The following FARP1 variants were observed in gnomAD, a reference collection of about 807,000 sequenced individuals.
FARP1 encodes FERM, ARHGEF and pleckstrin domain-containing protein 1.
In FARP1, 52 loss-of-function variants were observed where a neutral mutation model predicts 128.8. The observed-to-expected ratio is 0.40, with a 90% CI of 0.32 to 0.51. FARP1 has a LOEUF of 0.51. Among genes scored for constraint, FARP1 ranks in the 20% least tolerant of loss-of-function variants. The pLI is 0.45. For synonymous variants in FARP1, 580 were observed against 551.8 expected, an observed-to-expected ratio of 1.05 and a Z score of -0.72; for missense variants, 1,333 against 1,367.9, an observed-to-expected ratio of 0.97 and a Z score of 0.40.
chr13:98,435,589 G>A lies in FARP1; in HGVS notation c.2157G>A (p.Glu719=). The A allele has an allele frequency of 6.2e-7, 1 of 1,612,856 alleles. No individual in the cohort carries two copies. Among genetic ancestry groups the A allele is most frequent in the African/African-American group, 1.3e-5 (1 of 75,042 alleles). The change falls in exon 19 of 27, where the codon GAG becomes GAA. Residue 719 remains glutamate (E), a synonymous_variant. Transcript: ENST00000319562. ...DFRDCRAALA[E]ITEMVAQLHG... is the part of the protein sequence containing the mutation. The stretch of plus-strand genomic sequence containing the variant: ...TTTCCTTCACAGCCGCTTTGGCAGA[G>A]ATCACGGAGATGGTGGCACAGCTCC...
At chr13:98,325,719 A>G (rs1887200352) in intron 2 of FARP1, among the ~76,000 whole-genome samples, 1 of 152,254 alleles carries the variant, frequency 6.6e-6, no homozygotes, top group African/African-American at 2.4e-5. Flanking sequence ...AATATTTGTC[A>G]TAATATTTGT....
intron 6 of FARP1, chr13:98,382,534 G>A (rs684648): frequency 2.0e-5 from 3 of 152,194 alleles, no homozygotes; most frequent in Non-Finnish European, 2.9e-5. Flanking sequence ...AAGCTCACAA[G>A]ACATTTCGGA....
intron 2 of FARP1, among the ~76,000 whole-genome samples, chr13:98,238,663 T>A (rs1395176510): frequency 6.6e-6 from 1 of 152,116 alleles, no homozygotes; most frequent in Non-Finnish European, 1.5e-5. Flanking sequence ...TTCACTGTCA[T>A]GAGAACAGCA....
intron 2 of FARP1, among the ~76,000 whole-genome samples, chr13:98,233,214 C>T (rs1882229687): frequency 2.6e-5 from 4 of 152,232 alleles, no homozygotes; most frequent in Admixed American, 2.6e-4. Flanking sequence ...ATAACATCTT[C>T]CTCTCCTGAG....
intron 3 of FARP1, among the ~76,000 whole-genome samples, chr13:98,358,803 T>C (rs1888743658): frequency 6.6e-6 from 1 of 151,732 alleles, no homozygotes; most frequent in Admixed American, 6.6e-5. Context: ...GCCCGGCTAA[T>C]TTTTTTTGTA....
chr13:98,223,242 G>T (rs1170914324), intron 2 of FARP1, among the ~76,000 whole-genome samples: 1 of 152,230 alleles, frequency 6.6e-6, no homozygotes, highest in African/African-American at 2.4e-5. Context: ...TCAACTCTGT[G>T]ACAAATGTTT....
chr13:98,177,154 T>G (rs763320348), intron 1 of FARP1: 1 of 1,607,528 alleles, frequency 6.2e-7, no homozygotes, highest in South Asian at 1.1e-5. Context: ...TGCAGCCCCT[T>G]TCCGTCCAGG....
chr13:98,410,674 C>G lies in FARP1; in HGVS notation c.1603-60C>G. The G allele has an allele frequency of 6.3e-6, 5 of 799,720 alleles. No homozygotes were observed. The South Asian group carries it at 7.5e-5, about 12-fold the overall frequency. The allele number at this position is 799,720 out of a possible 1,614,324, so 49.5% of individuals were successfully genotyped here. A position where few individuals can be genotyped will look rare whatever the true frequency, so the allele number is the denominator to read the frequency against. On this transcript the variant is annotated intron_variant, in intron 14 of 26. Transcript: ENST00000319562. ...AACATATCACTTTAATGAGGACATT[C>G]TCCGAGACGCATACTCAAAAATGAT...
chr13:98,337,653 T>C (rs187727388), intron 2 of FARP1, among the ~76,000 whole-genome samples: 1 of 152,158 alleles, frequency 6.6e-6, no homozygotes, highest in East Asian at 1.9e-4. Context: ...GCCTTTTTTC[T>C]TGAGTTCTGT....
At chr13:98,440,320 G>A (rs1594541952) in intron 23 of FARP1, 85 bp downstream of exon 23, 1 of 966,548 alleles carries the variant, frequency 1.0e-6, no homozygotes, top group Non-Finnish European at 1.7e-6. Flanking sequence ...ACCCCATCGG[G>A]TAGGCCTCAC....
intron 1 of FARP1, among the ~76,000 whole-genome samples, chr13:98,181,589 G>C (rs1878514513): frequency 6.8e-6 from 1 of 147,548 alleles, no homozygotes; most frequent in South Asian, 2.1e-4. Flanking sequence ...TTACCATTTA[G>C]AAATAATATT....
intron 5 of FARP1, among the ~76,000 whole-genome samples, chr13:98,371,714 G>A (rs779171251): frequency 6.6e-6 from 1 of 152,164 alleles, no homozygotes; most frequent in Non-Finnish European, 1.5e-5. Context: ...GGCAGATGGT[G>A]AATGAGGGGA....
At chr13:98,438,722 A>T in intron 19 of FARP1, 82 bp from the exon 20 acceptor site, 5 of 1,107,322 alleles carry the variant, frequency 4.5e-6, no homozygotes, top group Non-Finnish European at 6.9e-6. Flanking sequence ...CTACAAATTT[A>T]GCCCTCGGGG....
At chr13:98,369,805 A>G (rs897558030) in intron 5 of FARP1, among the ~76,000 whole-genome samples, 2 of 152,182 alleles carry the variant, frequency 1.3e-5, no homozygotes, top group African/African-American at 4.8e-5. Context: ...TTCTTGTCAT[A>G]CATGGTGTTC....
chr13:98,229,244 G>T (rs1315644898), intron 2 of FARP1, among the ~76,000 whole-genome samples: 2 of 152,216 alleles, frequency 1.3e-5, no homozygotes, highest in Non-Finnish European at 2.9e-5. Flanking sequence ...CAGTGAAGAT[G>T]AAGATAGAAC....
At chr13:98,352,748 C>T (rs1048174568) in intron 3 of FARP1, among the ~76,000 whole-genome samples, 5 of 152,214 alleles carry the variant, frequency 3.3e-5, no homozygotes, top group African/African-American at 1.2e-4. Flanking sequence ...GTGGATCCAG[C>T]TGCCAAATTG....
chr13:98,380,647 C>T (rs1334111018), intron 6 of FARP1, among the ~76,000 whole-genome samples: 1 of 152,018 alleles, frequency 6.6e-6, no homozygotes, highest in African/African-American at 2.4e-5. Flanking sequence ...AATCATGGCT[C>T]ACTGCAGCCT....
chr13:98,332,365 T>C lies in FARP1; in HGVS notation c.172-11397T>C, dbSNP rs1184602152. 2.6e-5 allele frequency: 4 copies of C among 152,194 alleles called. No homozygotes were observed. The East Asian group carries it at 7.7e-4, about 29-fold the overall frequency. 9.4% of individuals were successfully genotyped at this position (152,194 alleles called of 1,614,324 possible). ...ATATTAATCTGAGCTTTCCAGCTTT[T>C]CAAAGGAGAATAAATACCAAGTATC... On this transcript the variant is annotated intron_variant, in intron 2 of 26. Transcript: ENST00000319562.
chr13:98,152,936 G>A (rs1876118225), intron 1 of FARP1, among the ~76,000 whole-genome samples: 1 of 151,946 alleles, frequency 6.6e-6, no homozygotes, highest in Non-Finnish European at 1.5e-5. Context: ...GGCAGTTTGG[G>A]TTACAGAACA....
Sources: allele counts gnomAD v4.1 joint callset (sites outside exome capture counted in the v4.1 genomes callset), GRCh38; gene constraint gnomAD v4.1.1; transcripts MANE v1.5; gene names NCBI Gene and HGNC (gene_info 2026-07-23, HGNC 2026-07-21).